CACNA2D3: variants seen among roughly 807,000 people sequenced by gnomAD.
CACNA2D3 encodes calcium voltage-gated channel auxiliary subunit alpha2delta 3.
A neutral mutation model predicts 160.6 loss-of-function variants in CACNA2D3; 60 were observed. That is an observed-to-expected ratio of 0.37 (90% CI 0.30 to 0.46). The LOEUF (loss-of-function observed/expected upper bound fraction) is 0.46. Ranked by LOEUF, CACNA2D3 falls within the 20% of genes least tolerant of loss-of-function variation. The pLI, the probability that CACNA2D3 is intolerant of heterozygous loss-of-function variation, is 1.00. For missense variants in CACNA2D3, 1,205 were observed against 1,365.0 expected, an observed-to-expected ratio of 0.88 and a Z score of 1.85; for synonymous variants, 558 against 492.9, an observed-to-expected ratio of 1.13 and a Z score of -1.75.
At chr3:54,814,214 CCTT>C (rs1422463608) in intron 13 of CACNA2D3, among the ~76,000 whole-genome samples, 1 of 152,174 alleles carries the variant, frequency 6.6e-6, no homozygotes, top group Non-Finnish European at 1.5e-5. Context: ...ACTTCAGAAT[CCTT>C]CTCAACATAG....
intron 12 of CACNA2D3, among the ~76,000 whole-genome samples, chr3:54,762,426 T>G (rs1427388037): frequency 6.6e-6 from 1 of 152,164 alleles, no homozygotes; most frequent in East Asian, 1.9e-4. Flanking sequence ...GTAACCACAT[T>G]TGATTGGCTG....
At chr3:54,897,227 A>G (rs977771219) in intron 26 of CACNA2D3, among the ~76,000 whole-genome samples, 1 of 152,298 alleles carries the variant, frequency 6.6e-6, no homozygotes, top group Middle Eastern at 3.4e-3. Flanking sequence ...AGTGAGTCAC[A>G]TCCCTGCAGA....
intron 11 of CACNA2D3, among the ~76,000 whole-genome samples, chr3:54,707,637 C>T (rs2106957992): frequency 6.6e-6 from 1 of 152,110 alleles, no homozygotes; most frequent in South Asian, 2.1e-4. Context: ...GCTAATGTCT[C>T]CAAAGCTTTA....
At chr3:54,864,612 G>C (rs1699361126) in intron 17 of CACNA2D3, among the ~76,000 whole-genome samples, 1 of 152,174 alleles carries the variant, frequency 6.6e-6, no homozygotes, top group Non-Finnish European at 1.5e-5. Context: ...TGGCCACCAA[G>C]CTCAGTTTCA....
chr3:54,405,121 G>A lies in CACNA2D3; in HGVS notation c.381+18347G>A, dbSNP rs933712332. Among the ~76,000 whole-genome samples, 19 of 151,474 alleles carry A rather than the reference G, an allele frequency of 1.3e-4. 1 individual carries two copies. The highest frequency in any genetic ancestry group is 4.2e-4 in the South Asian group (2 of 4,808). ...TGTCTATACTATACTATACTATACT[G>A]TACTGTACTATACTATACTAAAAAG... is the stretch of plus-strand genomic sequence containing the variant. On this transcript the variant is annotated intron_variant, in intron 4 of 37. Coordinates refer to ENST00000474759, the MANE Select transcript of CACNA2D3 (RefSeq NM_018398.3).
At chr3:54,290,251 T>C (rs1271642281) in intron 2 of CACNA2D3, among the ~76,000 whole-genome samples, 1 of 152,168 alleles carries the variant, frequency 6.6e-6, no homozygotes, top group African/African-American at 2.4e-5. Flanking sequence ...GGGCGAAGGA[T>C]ATGAACAGAC....
chr3:54,889,756 G>A (rs1700013798), intron 24 of CACNA2D3, among the ~76,000 whole-genome samples: 1 of 152,152 alleles, frequency 6.6e-6, no homozygotes, highest in Non-Finnish European at 1.5e-5. Context: ...TGCCTTCATG[G>A]CATGGATCTT....
At chr3:54,525,358 G>C (rs888494317) in intron 5 of CACNA2D3, among the ~76,000 whole-genome samples, 5 of 152,090 alleles carry the variant, frequency 3.3e-5, no homozygotes, top group Non-Finnish European at 5.9e-5. Context: ...ATTAAGAAAG[G>C]TGAAGACATG....
chr3:54,705,687 C>T (rs898364360), intron 11 of CACNA2D3, among the ~76,000 whole-genome samples: 1 of 152,140 alleles, frequency 6.6e-6, no homozygotes, highest in Non-Finnish European at 1.5e-5. Flanking sequence ...TAACTAAAAG[C>T]TTTGAATTAA....
At chr3:54,696,273 T>C (rs1342353413) in intron 11 of CACNA2D3, among the ~76,000 whole-genome samples, 1 of 152,174 alleles carries the variant, frequency 6.6e-6, no homozygotes, top group Non-Finnish European at 1.5e-5. Context: ...TCACGTTTCA[T>C]CTCAAGACGG....
chr3:54,281,516 A>G (rs1330321873), intron 2 of CACNA2D3, among the ~76,000 whole-genome samples: 1 of 152,074 alleles, frequency 6.6e-6, no homozygotes, highest in Non-Finnish European at 1.5e-5. Flanking sequence ...CAAACATGGC[A>G]GCTCTGTAAT....
chr3:55,032,825 G>A (rs1391396996), intron 35 of CACNA2D3, among the ~76,000 whole-genome samples: 1 of 151,834 alleles, frequency 6.6e-6, no homozygotes, highest in East Asian at 1.9e-4. Context: ...AACATGTCAT[G>A]TTAATTCCTG....
intron 4 of CACNA2D3, among the ~76,000 whole-genome samples, chr3:54,485,178 A>G (rs543416894): frequency 6.6e-5 from 10 of 152,336 alleles, no homozygotes; most frequent in African/African-American, 2.2e-4. Context: ...ACAGTTTACT[A>G]CTACTAATAG....
intron 2 of CACNA2D3, among the ~76,000 whole-genome samples, chr3:54,234,680 A>G (rs1007142848): frequency 6.6e-6 from 1 of 152,250 alleles, no homozygotes; most frequent in Non-Finnish European, 1.5e-5. Context: ...ATGCAGCCAT[A>G]TAAAAGAATG....
chr3:54,362,916 G>A (rs1443134496), intron 3 of CACNA2D3, among the ~76,000 whole-genome samples: 1 of 152,214 alleles, frequency 6.6e-6, no homozygotes, highest in Non-Finnish European at 1.5e-5. Flanking sequence ...ACAATGTGCA[G>A]CCAGACACGG....
intron 4 of CACNA2D3, among the ~76,000 whole-genome samples, chr3:54,476,448 G>T (rs1309249910): frequency 6.6e-6 from 1 of 151,958 alleles, no homozygotes; most frequent in Non-Finnish European, 1.5e-5. Flanking sequence ...GGATCATATG[G>T]TAGTTCTAGT....
At chr3:54,472,187 AG>A (rs1416417476) in intron 4 of CACNA2D3, among the ~76,000 whole-genome samples, 3 of 152,234 alleles carry the variant, frequency 2.0e-5, no homozygotes, top group Non-Finnish European at 2.9e-5. Context: ...TACATCAAAA[AG>A]CTTGTCCAAC....
intron 13 of CACNA2D3, among the ~76,000 whole-genome samples, chr3:54,783,259 T>C (rs1451509553): frequency 6.6e-6 from 1 of 151,994 alleles, no homozygotes; most frequent in Non-Finnish European, 1.5e-5. Context: ...GTTTGAGTTA[T>C]ATCACCTCTA....
Position 54,135,676 on chromosome 3 carries a change from C to T in CACNA2D3, c.204+12082C>T, listed in dbSNP as rs572496400. Among the ~76,000 whole-genome samples the T allele has an allele frequency of 2.0e-5, 3 of 152,338 alleles. 1 individual carries two copies. Among genetic ancestry groups the T allele is most frequent in the South Asian group, 2.1e-4 (1 of 4,832 alleles). On this transcript the variant is annotated intron_variant, in intron 2 of 37. Coordinates refer to ENST00000474759, the MANE Select transcript of CACNA2D3 (RefSeq NM_018398.3). ...CTCCTTGGAGCTATGACTTCTGCTA[C>T]GTAGAGCACTGTGTGCCCTGAGTGA...
Sources: allele counts gnomAD v4.1 joint callset (sites outside exome capture counted in the v4.1 genomes callset), GRCh38; gene constraint gnomAD v4.1.1; transcripts MANE v1.5; gene names NCBI Gene and HGNC (gene_info 2026-07-23, HGNC 2026-07-21).